The following SAMD8 variants were observed in gnomAD, a reference collection of about 807,000 sequenced individuals.
SAMD8 encodes sterile alpha motif domain containing 8.
SAMD8 carries 20 observed loss-of-function variants against 42.0 expected under a neutral mutation model. The ratio of observed to expected loss-of-function variants is 0.48; its 90% CI spans 0.34 to 0.69. The LOEUF is 0.69. Ranked by LOEUF, SAMD8 falls within the 30% of genes least tolerant of loss-of-function variation. The probability of loss-of-function intolerance (pLI) is 0.01; values close to 1 mark genes in which losing one functional copy is unlikely to be tolerated. For synonymous variants in SAMD8, 162 were observed against 173.0 expected, an observed-to-expected ratio of 0.94 and a Z score of 0.50; for missense variants, 328 against 511.6, an observed-to-expected ratio of 0.64 and a Z score of 3.46.
chr10:75,168,447 C>T, intron 3 of SAMD8, 94 bp from the exon 4 acceptor site: 1 of 1,541,694 alleles, frequency 6.5e-7, no homozygotes, highest in Admixed American at 2.0e-5. Context: ...AGTGATTTTT[C>T]TGTTTGCTCT....
At chr10:75,165,389 G>A (rs972717023) in intron 3 of SAMD8, among the ~76,000 whole-genome samples, 5 of 151,634 alleles carry the variant, frequency 3.3e-5, no homozygotes, top group African/African-American at 1.2e-4. Flanking sequence ...AGAGATTATT[G>A]GCCGGGCACG....
intron 1 of SAMD8, among the ~76,000 whole-genome samples, chr10:75,113,122 A>G (rs973642701): frequency 6.6e-6 from 1 of 152,268 alleles, no homozygotes; most frequent in African/African-American, 2.4e-5. Context: ...AGCCAACACA[A>G]CTGGGACAGG....
At chr10:75,106,424 TCTGACTAA>T (rs1848515445) in intron 1 of SAMD8, among the ~76,000 whole-genome samples, 1 of 152,296 alleles carries the variant, frequency 6.6e-6, no homozygotes, top group South Asian at 2.1e-4. Flanking sequence ...CTGGTCTCGG[TCTGACTAA>T]CTTCCACTAC....
chr10:75,101,395 T>C (rs1254400030), intron 1 of SAMD8, among the ~76,000 whole-genome samples: 2 of 152,210 alleles, frequency 1.3e-5, no homozygotes, highest in African/African-American at 4.8e-5. Context: ...GCCCCAGCCA[T>C]ATCCTATGTG....
chr10:75,158,358 G>A (rs1478000647), intron 2 of SAMD8, among the ~76,000 whole-genome samples: 5 of 152,068 alleles, frequency 3.3e-5, no homozygotes, highest in African/African-American at 4.8e-5. Flanking sequence ...TTGGGAGGCC[G>A]AGGCAGGTGG....
At chr10:75,131,382 T>C (rs1459464930) in intron 1 of SAMD8, among the ~76,000 whole-genome samples, 1 of 152,186 alleles carries the variant, frequency 6.6e-6, no homozygotes, top group Non-Finnish European at 1.5e-5. Context: ...TACTACATAA[T>C]ACAGTTGAAT....
chr10:75,125,639 T>G (rs1849114678), intron 1 of SAMD8: 3 of 151,972 alleles, frequency 2.0e-5, no homozygotes, highest in Non-Finnish European at 4.4e-5. Context: ...AAAAATAAAG[T>G]TCATTATTTG....
At chr10:75,101,993 A>T in intron 1 of SAMD8, 1 of 1,356,620 alleles carries the variant, frequency 7.4e-7, no homozygotes, top group Non-Finnish European at 9.8e-7. Context: ...ATTATAAAGC[A>T]TGCTGTCTAC....
intron 1 of SAMD8, among the ~76,000 whole-genome samples, chr10:75,138,911 C>G (rs912825502): frequency 6.6e-6 from 1 of 150,926 alleles, no homozygotes; most frequent in African/African-American, 2.4e-5. Context: ...TGACTGTTCT[C>G]TCAGCACCTT....
chr10:75,110,889 C>A (rs766108784), upstream of SAMD8, among the ~76,000 whole-genome samples: 2 of 152,112 alleles, frequency 1.3e-5, no homozygotes, highest in Non-Finnish European at 2.9e-5. Flanking sequence ...GATCTCGGCT[C>A]ATTGCAACCT....
At position 75,158,479 on chromosome 10, in the gene SAMD8, C is replaced by G. The variant is rs537687930; in HGVS notation, c.579-6166C>G. Among the ~76,000 whole-genome samples, 56 of 152,066 alleles carry G rather than the reference C, an allele frequency of 3.7e-4. 2 individuals carry two copies. The East Asian group carries it at 6.0e-3, about 16-fold the overall frequency. ...TGGTGGCATGCTCCTTTAGTCCCAG[C>G]TACTCCAGAGGCTGAGGCAGGAGAA... On this transcript the variant is annotated intron_variant, in intron 2 of 5. Transcript: ENST00000542569.
At chr10:75,102,906 C>T (rs1848264919) in intron 1 of SAMD8, among the ~76,000 whole-genome samples, 1 of 152,134 alleles carries the variant, frequency 6.6e-6, no homozygotes, top group Non-Finnish European at 1.5e-5. Context: ...GAGCTGAGAT[C>T]ACGCCATTGC....
intron 2 of SAMD8, among the ~76,000 whole-genome samples, chr10:75,160,035 C>T (rs1840519878): frequency 8.9e-6 from 1 of 112,282 alleles, no homozygotes; most frequent in African/African-American, 4.3e-5. Flanking sequence ...ACCATAATAG[C>T]AAGGGAGGAA....
intron 2 of SAMD8, among the ~76,000 whole-genome samples, chr10:75,160,363 ATT>A (rs57933345): frequency 2.2e-4 from 32 of 143,056 alleles, no homozygotes; most frequent in Admixed American, 2.8e-4. Flanking sequence ...CGCCAGGCTA[ATT>A]TTTTTTTTTT....
intron 1 of SAMD8, among the ~76,000 whole-genome samples, chr10:75,143,966 CTTT>C (rs536028273): frequency 3.0e-5 from 4 of 134,990 alleles, no homozygotes; most frequent in East Asian, 2.1e-4. Flanking sequence ...ATAATTTAAA[CTTT>C]TTTTTTTTTT....
chr10:75,163,678 G>C (rs1840611415), intron 2 of SAMD8, among the ~76,000 whole-genome samples: 1 of 151,908 alleles, frequency 6.6e-6, no homozygotes, highest in Admixed American at 6.6e-5. Context: ...GAACTCCTGA[G>C]TTTAAGTAGT....
intron 1 of SAMD8, among the ~76,000 whole-genome samples, chr10:75,136,543 A>G (rs1025261241): frequency 1.3e-5 from 2 of 152,190 alleles, no homozygotes; most frequent in Non-Finnish European, 2.9e-5. Flanking sequence ...TCAGAGGACT[A>G]AAGAGCCTTT....
chr10:75,102,341 G>A (rs1848220104), intron 1 of SAMD8, among the ~76,000 whole-genome samples: 1 of 152,266 alleles, frequency 6.6e-6, no homozygotes, highest in Non-Finnish European at 1.5e-5. Flanking sequence ...TACTCAGGAG[G>A]CTGAGGCAGG....
At chr10:75,174,381 G>T in intron 4 of SAMD8, among the ~76,000 whole-genome samples, 1 of 151,308 alleles carries the variant, frequency 6.6e-6, no homozygotes, top group South Asian at 2.1e-4. Context: ...CACCCACCTC[G>T]GCCTCCCAAA....
Sources: allele counts gnomAD v4.1 joint callset (sites outside exome capture counted in the v4.1 genomes callset), GRCh38; gene constraint gnomAD v4.1.1; transcripts MANE v1.5; gene names NCBI Gene and HGNC (gene_info 2026-07-23, HGNC 2026-07-21).